CUL5: variants seen among roughly 807,000 people sequenced by gnomAD.
CUL5 encodes cullin-5.
A neutral mutation model predicts 108.8 loss-of-function variants in CUL5; 26 were observed. That is an observed-to-expected ratio of 0.24 (90% CI 0.18 to 0.33). CUL5 has a LOEUF of 0.33. Ranked by LOEUF, CUL5 falls within the 10% of genes least tolerant of loss-of-function variation. The pLI is 1.00. For synonymous variants in CUL5, 334 were observed against 298.0 expected (o/e 1.12, Z -1.25); for missense variants, 524 against 909.2 (o/e 0.58, Z 5.45).
In CUL5 at chr11:108,079,870, TTTCA is replaced by T. The variant is rs79067967; in HGVS notation, c.1178+1634_1178+1637del. ...CTGTGTACTTCTTGTGTAAAGCTTCTTTCATTCTGCATTGTGTTTTTGAAATTCT... is the reference window on the plus strand; with the variant it reads ...CTGTGTACTTCTTGTGTAAAGCTTCTTTCTGCATTGTGTTTTTGAAATTCT... On this transcript the variant is annotated intron_variant, in intron 11 of 18. Coordinates refer to ENST00000393094, the MANE Select transcript of CUL5 (RefSeq NM_003478.6). 6.0e-3 allele frequency among the ~76,000 whole-genome samples: 919 copies of T among 152,344 alleles called. 19 individuals are homozygous for T. Among genetic ancestry groups the T allele is most frequent in the East Asian group, 0.056 (289 of 5,184 alleles).
chr11:108,043,319 C>T (rs1328195028), intron 2 of CUL5, among the ~76,000 whole-genome samples: 1 of 152,198 alleles, frequency 6.6e-6, no homozygotes, highest in African/African-American at 2.4e-5. Flanking sequence ...AATGATCCTC[C>T]TGCCTTGGCC....
At chr11:108,047,641 A>C (rs1408954771) in intron 3 of CUL5, among the ~76,000 whole-genome samples, 1 of 152,168 alleles carries the variant, frequency 6.6e-6, no homozygotes, top group African/African-American at 2.4e-5. Context: ...TTTCTTGACA[A>C]ATTTTTTAAA....
At chr11:108,071,970 A>T (rs982422199) in intron 8 of CUL5, among the ~76,000 whole-genome samples, 1 of 152,122 alleles carries the variant, frequency 6.6e-6, no homozygotes, top group Non-Finnish European at 1.5e-5. Flanking sequence ...TGAGCCCCGA[A>T]GTTTGAGACC....
chr11:108,083,468 A>G (rs1345465394), intron 11 of CUL5, among the ~76,000 whole-genome samples: 2 of 152,182 alleles, frequency 1.3e-5, no homozygotes, highest in Admixed American at 1.3e-4. Context: ...TAAGGTGACT[A>G]TGTCCTACTT....
chr11:108,028,543 AT>A (rs1357067656), intron 1 of CUL5, among the ~76,000 whole-genome samples: 1 of 152,166 alleles, frequency 6.6e-6, no homozygotes, highest in Admixed American at 6.5e-5. Context: ...TGTAAATAAG[AT>A]TATGACACTT....
intron 2 of CUL5, among the ~76,000 whole-genome samples, chr11:108,044,790 T>A (rs1189718582): frequency 6.6e-6 from 1 of 151,976 alleles, no homozygotes; most frequent in Non-Finnish European, 1.5e-5. Context: ...GAGACACAGT[T>A]TCACTCTGTT....
intron 1 of CUL5, among the ~76,000 whole-genome samples, chr11:108,019,799 G>C (rs1003933722): frequency 1.3e-5 from 2 of 152,106 alleles, no homozygotes; most frequent in African/African-American, 2.4e-5. Flanking sequence ...TGCTATAAAG[G>C]AATACCTGAG....
At chr11:108,022,010 A>G (rs113641256) in intron 1 of CUL5, among the ~76,000 whole-genome samples, 8 of 151,712 alleles carry the variant, frequency 5.3e-5, no homozygotes, top group African/African-American at 1.9e-4. Context: ...CTATCTATCC[A>G]TCGATCCATC....
intron 1 of CUL5, among the ~76,000 whole-genome samples, chr11:108,022,516 A>AT (rs1426337059): frequency 2.0e-5 from 3 of 151,990 alleles, no homozygotes; most frequent in Admixed American, 6.6e-5. Flanking sequence ...GGGGATATGC[A>AT]TTTTTTTTAA....
Position 108,106,417 on chromosome 11 carries a change from T to G in CUL5, c.*2033T>G, listed in dbSNP as rs1864802098. The G allele has an allele frequency of 2.0e-5, 3 of 152,536 alleles. No homozygotes were observed. The South Asian group carries it at 6.2e-4, about 32-fold the overall frequency. The allele number at this position is 152,536 out of a possible 1,614,324, so 9.4% of individuals were successfully genotyped here. On this transcript the variant is annotated 3_prime_UTR_variant, in exon 19 of 19. Transcript: ENST00000393094. Reference sequence around the variant, plus strand: ...TATGAAGGTGAATTTAATGCAAAAGTGGGTAACACTACATTCATAGCAAAG... The same window carrying G: ...TATGAAGGTGAATTTAATGCAAAAGGGGGTAACACTACATTCATAGCAAAG...
At chr11:108,096,081 G>A (rs911571315) in intron 16 of CUL5, among the ~76,000 whole-genome samples, 1 of 149,716 alleles carries the variant, frequency 6.7e-6, no homozygotes, top group Non-Finnish European at 1.5e-5. Context: ...AGGCAACAGA[G>A]TGAGAACTCC....
In CUL5 at chr11:108,049,018, ACT is replaced by A. The variant is rs560361825; in HGVS notation, c.235-867_235-866del. 5.2e-3 allele frequency among the ~76,000 whole-genome samples: 796 copies of A among 152,218 alleles called. 3 individuals carry two copies. The highest frequency in any genetic ancestry group is 8.3e-3 in the Non-Finnish European group (564 of 68,016). On this transcript the variant is annotated intron_variant, in intron 3 of 18. Coordinates refer to ENST00000393094, the MANE Select transcript of CUL5 (RefSeq NM_003478.6). Reference sequence around the variant, plus strand: ...ATATAATTAATATACCATAAAATTTACTCTCTTAAAGGATATGATTCAGTGGG... The same window carrying A: ...ATATAATTAATATACCATAAAATTTACTCTTAAAGGATATGATTCAGTGGG...
chr11:108,104,118 T>C, intron 18 of CUL5, 72 bp from the exon 19 acceptor site: 1 of 1,001,652 alleles, frequency 1.0e-6, no homozygotes, highest in Non-Finnish European at 1.5e-6. Flanking sequence ...GCATAAAAAG[T>C]CATTTTTCAG....
Position 108,104,741 on chromosome 11 carries a change from A to T in CUL5, c.*357A>T, listed in dbSNP as rs1864750582. On this transcript the variant is annotated 3_prime_UTR_variant, in exon 19 of 19. Transcript: ENST00000393094. ...TTTTCTCTTTTTTCCTCTCTTAAAA[A>T]ATGTACTTGCACAAGGAAGGATCTT... is the stretch of plus-strand genomic sequence containing the variant. 1 of 159,930 alleles carries T rather than the reference A, an allele frequency of 6.3e-6. No homozygotes were observed. The highest frequency in any genetic ancestry group is 6.5e-5 in the Admixed American group (1 of 15,472). The allele number at this position is 159,930 out of a possible 1,614,324, so 9.9% of individuals were successfully genotyped here.
At chr11:108,089,674 T>C (rs774155348) in intron 13 of CUL5, 51 bp downstream of exon 13, 3 of 986,032 alleles carry the variant, frequency 3.0e-6, no homozygotes, top group Non-Finnish European at 4.3e-6. Flanking sequence ...ACATCATTTA[T>C]ATGTGTGCTT....
chr11:108,082,319 C>T (rs1032248672), intron 11 of CUL5, among the ~76,000 whole-genome samples: 4 of 147,802 alleles, frequency 2.7e-5, no homozygotes, highest in Non-Finnish European at 4.5e-5. Flanking sequence ...TCCACTGTGT[C>T]ACCGAGGCTG....
At chr11:108,063,524 C>T (rs1863597512) in intron 7 of CUL5, among the ~76,000 whole-genome samples, 1 of 151,210 alleles carries the variant, frequency 6.6e-6, no homozygotes, top group African/African-American at 2.4e-5. Context: ...TGTAACAAAC[C>T]TGCACGTTGT....
intron 7 of CUL5, among the ~76,000 whole-genome samples, chr11:108,069,728 A>G (rs1037503619): frequency 2.6e-5 from 4 of 152,204 alleles, no homozygotes; most frequent in Non-Finnish European, 5.9e-5. Context: ...TAGGCATCCA[A>G]TAATGGTTTG....
At chr11:108,100,949 A>C (rs1864646640) in intron 18 of CUL5, among the ~76,000 whole-genome samples, 1 of 152,138 alleles carries the variant, frequency 6.6e-6, no homozygotes, top group Non-Finnish European at 1.5e-5. Context: ...GAATGGCTTG[A>C]ACCTGGGAGG....
Sources: allele counts gnomAD v4.1 joint callset (sites outside exome capture counted in the v4.1 genomes callset), GRCh38; gene constraint gnomAD v4.1.1; transcripts MANE v1.5; gene names NCBI Gene and HGNC (gene_info 2026-07-23, HGNC 2026-07-21).